The following ABCB1 variants were observed in gnomAD, a reference collection of about 807,000 sequenced individuals.
ABCB1 encodes ATP binding cassette subfamily B member 1.
In ABCB1, 69 loss-of-function variants were observed where a neutral mutation model predicts 142.0. That is an observed-to-expected ratio of 0.49 (90% CI 0.40 to 0.59). The LOEUF (loss-of-function observed/expected upper bound fraction) is 0.59, where lower values mean the gene tolerates loss of function less well. Among genes scored for constraint, ABCB1 ranks in the 20% least tolerant of loss-of-function variants. ABCB1 has a pLI of 0.00. For synonymous variants in ABCB1, 532 were observed against 539.2 expected, an observed-to-expected ratio of 0.99 and a Z score of 0.18; for missense variants, 1,326 against 1,554.7, an observed-to-expected ratio of 0.85 and a Z score of 2.47.
intron 1 of ABCB1, among the ~76,000 whole-genome samples, chr7:87,683,790 A>C (rs998611251): frequency 9.9e-5 from 15 of 152,228 alleles, no homozygotes; most frequent in African/African-American, 3.6e-4. Context: ...CTATTGGAAA[A>C]ATTGCACCGA....
chr7:87,535,163 C>A (rs1451730186), intron 20 of ABCB1, among the ~76,000 whole-genome samples: 1 of 152,100 alleles, frequency 6.6e-6, no homozygotes, highest in African/African-American at 2.4e-5. Context: ...TGCTTGCCCC[C>A]TTCGGCCTAT....
chr7:87,639,689 A>G (rs544530180), intron 1 of ABCB1, among the ~76,000 whole-genome samples: 1 of 152,240 alleles, frequency 6.6e-6, no homozygotes, highest in African/African-American at 2.4e-5. Context: ...TTTATCTGCT[A>G]CTAATACAGT....
chr7:87,668,102 A>C (rs981387684), intron 1 of ABCB1, among the ~76,000 whole-genome samples: 2 of 149,632 alleles, frequency 1.3e-5, no homozygotes, highest in Middle Eastern at 3.6e-3. Flanking sequence ...TCAGTTATGA[A>C]TCCATCAGGC....
intron 4 of ABCB1, among the ~76,000 whole-genome samples, chr7:87,580,881 G>A (rs1818477556): frequency 6.6e-6 from 1 of 151,966 alleles, no homozygotes; most frequent in South Asian, 2.1e-4. Context: ...GGGAGGGGAA[G>A]AGTGGTGCAG....
chr7:87,545,510 TA>T (rs1407276234), intron 15 of ABCB1, among the ~76,000 whole-genome samples: 2 of 152,256 alleles, frequency 1.3e-5, no homozygotes, highest in Non-Finnish European at 2.9e-5. Context: ...AAAATTGAGA[TA>T]TTTTGCATTT....
intron 3 of ABCB1, among the ~76,000 whole-genome samples, chr7:87,587,583 C>T (rs1818809607): frequency 6.6e-6 from 1 of 151,966 alleles, no homozygotes; most frequent in African/African-American, 2.4e-5. Context: ...GAAAGTTTAC[C>T]AAGTGTAGCT....
Position 87,654,466 on chromosome 7 carries a change from A to C in ABCB1, c.-330-53388T>G, listed in dbSNP as rs537737644. ...TATTAATTTTCAACAGAAGTGCCAA[A>C]ACACACACTAGGGAAAGGACAGTCT... On this transcript the variant is annotated intron_variant, in intron 1 of 28. Transcript: ENST00000265724. Among the ~76,000 whole-genome samples the C allele has an allele frequency of 2.6e-5, 4 of 152,258 alleles. No individual in the cohort carries two copies. In the South Asian group the frequency reaches 8.3e-4, roughly 32 times the overall value.
Position 87,504,275 on chromosome 7 carries a change from C to T in ABCB1, c.3811G>A (p.Val1271Ile). ...LAQKGIYFSM[V>I]SVQAGTKRQ is the part of the protein sequence containing the mutation. ...CGCTTTGTTCCAGCCTGGACACTGA[C>T]CATTGAAAAATAGATGCCTTTCTGT... The change falls in exon 28 of 28, where the codon GTC (valine) becomes ATC (isoleucine). Residue 1271 changes from valine to isoleucine, a missense_variant. Transcript: ENST00000622132. 3.7e-6 allele frequency: 6 copies of T among 1,614,108 alleles called. No homozygotes were observed. The highest frequency in any genetic ancestry group is 5.1e-6 in the Non-Finnish European group (6 of 1,180,026).
At chr7:87,531,961 G>T (rs1816074464) in intron 20 of ABCB1, among the ~76,000 whole-genome samples, 1 of 152,160 alleles carries the variant, frequency 6.6e-6, no homozygotes, top group African/African-American at 2.4e-5. Context: ...ATACAGAGCT[G>T]AAAATTATGG....
At chr7:87,591,700 G>A (rs1819007048) in intron 3 of ABCB1, among the ~76,000 whole-genome samples, 1 of 152,136 alleles carries the variant, frequency 6.6e-6, no homozygotes, top group African/African-American at 2.4e-5. Flanking sequence ...AGTCCTCAAG[G>A]AATGGGGGTG....
rs1166396977 is a variant in ABCB1 at position 87,517,775 on chromosome 7, A to C, written c.2928-1110T>G. On this transcript the variant is annotated intron_variant, in intron 23 of 27. Transcript: ENST00000622132. Reference sequence around the variant, plus strand: ...TTGACGTTCTTATCTATGACATGGGAATCACAGCAACTTAAAGTTGGGAAG... The same window carrying C: ...TTGACGTTCTTATCTATGACATGGGCATCACAGCAACTTAAAGTTGGGAAG... 6.6e-5 allele frequency among the ~76,000 whole-genome samples: 10 copies of C among 152,326 alleles called. No individual in the cohort carries two copies. The East Asian group carries it at 1.9e-3, about 29-fold the overall frequency.
In ABCB1 at chr7:87,623,404, T is replaced by A. The variant is rs187464706; in HGVS notation, c.-330-22326A>T. Among the ~76,000 whole-genome samples, 3 of 152,324 alleles carry A rather than the reference T, an allele frequency of 2.0e-5. No individual in the cohort carries two copies. In the East Asian group the frequency reaches 5.8e-4, roughly 29 times the overall value. On this transcript the variant is annotated intron_variant, in intron 1 of 28. Transcript: ENST00000265724. ...TTTCAATCAGCCTTTACCCAATGAC[T>A]TTTTACAGAGAACAGTTTGTGAGAC...
chr7:87,544,782 A>G, intron 16 of ABCB1, 41 bp downstream of exon 16: 2 of 1,608,734 alleles, frequency 1.2e-6, no homozygotes, highest in Non-Finnish European at 1.7e-6. Context: ...AGGGAACCAC[A>G]GTTAGTGAGA....
At chr7:87,612,183 T>C (rs1299420378) in intron 1 of ABCB1, among the ~76,000 whole-genome samples, 6 of 152,208 alleles carry the variant, frequency 3.9e-5, no homozygotes, top group African/African-American at 1.4e-4. Context: ...ATGCATAATT[T>C]ACAAATATTT....
At chr7:87,531,169 G>T in intron 21 of ABCB1, 125 bp downstream of exon 21, 1 of 863,862 alleles carries the variant, frequency 1.2e-6, no homozygotes, top group Non-Finnish European at 1.9e-6. Context: ...GCATGAAAAA[G>T]ATTGCTTTGA....
intron 1 of ABCB1, among the ~76,000 whole-genome samples, chr7:87,634,105 C>T (rs1211691528): frequency 6.6e-6 from 1 of 152,072 alleles, no homozygotes; most frequent in African/African-American, 2.4e-5. Context: ...GGAACTGATC[C>T]ATTCTTCCTT....
chr7:87,705,058 A>T (rs143123765), intron 1 of ABCB1, among the ~76,000 whole-genome samples: 7 of 152,354 alleles, frequency 4.6e-5, no homozygotes, highest in Non-Finnish European at 1.0e-4. Context: ...TATCACAATT[A>T]TCTGTCCTGA....
At chr7:87,622,873 A>G (rs1219216683) in intron 1 of ABCB1, among the ~76,000 whole-genome samples, 1 of 151,836 alleles carries the variant, frequency 6.6e-6, no homozygotes, top group African/African-American at 2.4e-5. Flanking sequence ...TCAGTAAAAC[A>G]TTTTTAAAAA....
intron 4 of ABCB1, among the ~76,000 whole-genome samples, chr7:87,584,333 G>A (rs1818641056): frequency 6.6e-6 from 1 of 152,170 alleles, no homozygotes; most frequent in African/African-American, 2.4e-5. Flanking sequence ...TCAGAAACTT[G>A]AAAGTTCAAA....
Sources: gnomAD v4.1 joint callset for allele counts (sites outside exome capture counted in the v4.1 genomes callset) on GRCh38, gnomAD v4.1.1 for gene constraint, MANE v1.5 for transcripts, NCBI Gene and HGNC (gene_info 2026-07-23, HGNC 2026-07-21) for gene names.